Variants in TANC2 observed in about 807,000 individuals in gnomAD.
The protein encoded by TANC2 is tetratricopeptide repeat, ankyrin repeat and coiled-coil containing 2.
A neutral mutation model predicts 210.5 loss-of-function variants in TANC2; 26 were observed. The observed-to-expected ratio is 0.12, with a 90% CI of 0.09 to 0.17. TANC2 has a LOEUF of 0.17. Among genes scored for constraint, TANC2 ranks in the 10% least tolerant of loss-of-function variants. TANC2 has a pLI of 1.00. For synonymous variants in TANC2, 931 were observed against 967.1 expected (o/e 0.96, Z 0.69); for missense variants, 2,129 against 2,608.9 (o/e 0.82, Z 4.01).
intron 14 of TANC2, among the ~76,000 whole-genome samples, chr17:63,377,100 T>C (rs550244602): frequency 9.8e-5 from 15 of 152,308 alleles, no homozygotes; most frequent in African/African-American, 3.4e-4. Flanking sequence ...AGTCTGGAGA[T>C]TGCACAAAGC....
At chr17:63,314,696 C>G in intron 10 of TANC2, 27 bp downstream of exon 10, 1 of 1,603,994 alleles carries the variant, frequency 6.2e-7, no homozygotes, top group Non-Finnish European at 8.5e-7. Flanking sequence ...AAAGAACTCC[C>G]TGTTTCATTG....
intron 21 of TANC2, among the ~76,000 whole-genome samples, chr17:63,409,756 G>A (rs1172088561): frequency 6.6e-6 from 1 of 152,162 alleles, no homozygotes; most frequent in Non-Finnish European, 1.5e-5. Context: ...TAACACAGTG[G>A]TATTTGTGTA....
intron 2 of TANC2, among the ~76,000 whole-genome samples, chr17:63,014,659 G>A (rs138131570): frequency 6.4e-4 from 97 of 152,246 alleles, no homozygotes; most frequent in African/African-American, 2.3e-3. Context: ...TTTAGCAAAA[G>A]CACAAATTAT....
At chr17:63,193,692 A>G (rs572573429) in intron 5 of TANC2, among the ~76,000 whole-genome samples, 1 of 152,336 alleles carries the variant, frequency 6.6e-6, no homozygotes, top group East Asian at 1.9e-4. Flanking sequence ...CTGAATAAAT[A>G]TGGACGGTAA....
At chr17:63,376,213 C>T (rs375522202) in intron 14 of TANC2, among the ~76,000 whole-genome samples, 106 of 150,640 alleles carry the variant, frequency 7.0e-4, no homozygotes, top group African/African-American at 2.5e-3. Context: ...GCGGGTGGAT[C>T]ATGAAGTCAG....
intron 12 of TANC2, among the ~76,000 whole-genome samples, chr17:63,345,370 A>T (rs555320264): frequency 6.6e-6 from 1 of 152,320 alleles, no homozygotes; most frequent in Non-Finnish European, 1.5e-5. Context: ...CTGTAATCCC[A>T]ACACTTTGGG....
At chr17:63,103,488 G>T (rs2037708138) in intron 4 of TANC2, among the ~76,000 whole-genome samples, 1 of 152,176 alleles carries the variant, frequency 6.6e-6, no homozygotes, top group Non-Finnish European at 1.5e-5. Context: ...CATAGACTTT[G>T]TGGTCCGACT....
At chr17:63,152,966 A>C (rs959596649) in intron 5 of TANC2, 1 of 152,196 alleles carries the variant, frequency 6.6e-6, no homozygotes, top group Non-Finnish European at 1.5e-5. Flanking sequence ...AGCAAGGAAG[A>C]AACTAAAACA....
chr17:63,224,273 A>G (rs1450353358), intron 7 of TANC2, among the ~76,000 whole-genome samples: 2 of 128,156 alleles, frequency 1.6e-5, no homozygotes, highest in South Asian at 2.4e-4. Context: ...TTTTTTTGAG[A>G]CGGGGTCTCC....
intron 2 of TANC2, among the ~76,000 whole-genome samples, chr17:63,059,238 C>G (rs1320863942): frequency 6.6e-6 from 1 of 151,926 alleles, no homozygotes; most frequent in Non-Finnish European, 1.5e-5. Context: ...TAACATTTTC[C>G]CTTTGCTTTT....
chr17:63,319,360 T>C (rs1405925539), intron 11 of TANC2, among the ~76,000 whole-genome samples: 3 of 152,150 alleles, frequency 2.0e-5, no homozygotes, highest in Non-Finnish European at 2.9e-5. Context: ...GTTGGTTTGT[T>C]TTGAGACGGA....
At chr17:63,392,622 T>C (rs1386616985) in intron 17 of TANC2, among the ~76,000 whole-genome samples, 1 of 152,186 alleles carries the variant, frequency 6.6e-6, no homozygotes, top group Non-Finnish European at 1.5e-5. Context: ...ACCATCCCCT[T>C]AGCTTTTGTA....
intron 9 of TANC2, among the ~76,000 whole-genome samples, chr17:63,285,649 C>G (rs902262159): frequency 1.3e-5 from 2 of 152,202 alleles, no homozygotes; most frequent in African/African-American, 2.4e-5. Context: ...TAGACACAAG[C>G]TTCCAAGTAC....
intron 8 of TANC2, among the ~76,000 whole-genome samples, chr17:63,242,345 A>G (rs1024545849): frequency 6.6e-6 from 1 of 152,066 alleles, no homozygotes; most frequent in Non-Finnish European, 1.5e-5. Context: ...TCTACACCTA[A>G]TATCTCTCTC....
intron 14 of TANC2, among the ~76,000 whole-genome samples, chr17:63,358,376 A>AGAGAGAGAGTGTGTGTGTGT (rs1470682571): frequency 1.4e-3 from 115 of 81,030 alleles, no homozygotes; most frequent in African/African-American, 3.9e-3. Context: ...AGAGAGAGAG[A>AGAGAGAGAGTGTGTGTGTGT]GTATGTGTGT....
chr17:63,248,749 T>G (rs1288571732), intron 8 of TANC2, among the ~76,000 whole-genome samples: 1 of 152,140 alleles, frequency 6.6e-6, no homozygotes, highest in African/African-American at 2.4e-5. Context: ...TAAAACTATA[T>G]ATATTGTTCC....
At chr17:63,079,311 G>A (rs1429045444) in intron 3 of TANC2, among the ~76,000 whole-genome samples, 1 of 152,100 alleles carries the variant, frequency 6.6e-6, no homozygotes, top group Non-Finnish European at 1.5e-5. Context: ...TTCAGGCTTG[G>A]GGTTTGGGGT....
intron 2 of TANC2, among the ~76,000 whole-genome samples, chr17:63,032,264 G>A (rs750041534): frequency 2.8e-4 from 42 of 152,110 alleles, no homozygotes; most frequent in Non-Finnish European, 4.3e-4. Flanking sequence ...GTCAACTCCG[G>A]TCTTATTTAG....
Position 63,421,090 on chromosome 17 carries a change from C to T in TANC2, c.5360C>T (p.Ser1787Leu). 6.2e-7 allele frequency: 1 copy of T among 1,614,022 alleles called. No homozygotes were observed. The highest frequency in any genetic ancestry group is 8.5e-7 in the Non-Finnish European group (1 of 1,179,906). The change falls in exon 28 of 28, where the codon TCA (serine) becomes TTA (leucine). Residue 1787 changes from serine to leucine, a missense_variant. Physicochemically the swap from Ser to Leu is moderately radical, Grantham distance 145. Around this residue, in one of 5 missense-constraint regions of TANC2, gnomAD observed 584 missense variants for 627.3 expected, o/e 0.93. Transcript: ENST00000689528. The surrounding 1 kb of genome is among the most constrained non-coding windows in gnomAD (Gnocchi z 6.9). ...GAGGATCTTCCACAGCGACCTTCCT[C>T]AGCATACCGAGGTGGCGTGAGATAC...
Sources: allele counts gnomAD v4.1 joint callset (sites outside exome capture counted in the v4.1 genomes callset), GRCh38; gene constraint gnomAD v4.1.1; regional missense constraint gnomAD v4.1.1; non-coding constraint Gnocchi (gnomAD v3.1); transcripts MANE v1.5; gene names NCBI Gene and HGNC (gene_info 2026-07-23, HGNC 2026-07-21).